The following WWOX variants were observed in gnomAD, a reference collection of about 807,000 sequenced individuals.
The protein encoded by WWOX is WW domain containing oxidoreductase.
In WWOX, 69 loss-of-function variants were observed where a neutral mutation model predicts 46.2. The observed-to-expected ratio is 1.49, with a 90% CI of 1.23 to 1.82. WWOX has a LOEUF of 1.82. WWOX is among the 40% of genes most tolerant of loss of function. The pLI, the probability that WWOX is intolerant of heterozygous loss-of-function variation, is 0.00. For missense variants in WWOX, 919 were observed against 542.6 expected (o/e 1.69, Z -6.89); for synonymous variants, 359 against 202.6 (o/e 1.77, Z -6.56).
At chr16:78,480,007 T>C (rs2084448558) in intron 8 of WWOX, among the ~76,000 whole-genome samples, 1 of 152,182 alleles carries the variant, frequency 6.6e-6, no homozygotes, top group African/African-American at 2.4e-5. Context: ...GCTAGCTTGT[T>C]CTCACTGAAG....
At chr16:78,724,660 C>G (rs1000087690) in intron 8 of WWOX, among the ~76,000 whole-genome samples, 1 of 152,126 alleles carries the variant, frequency 6.6e-6, no homozygotes, top group Admixed American at 6.5e-5. Context: ...ATGCAATTCC[C>G]TCTCAGTTTA....
intron 8 of WWOX, among the ~76,000 whole-genome samples, chr16:78,649,236 C>T (rs1047473015): frequency 3.9e-5 from 6 of 152,292 alleles, no homozygotes; most frequent in African/African-American, 1.2e-4. Context: ...CCAACCGCCT[C>T]GGACTTCCGA....
At chr16:78,940,352 A>G (rs2045827291) in intron 8 of WWOX, among the ~76,000 whole-genome samples, 1 of 152,226 alleles carries the variant, frequency 6.6e-6, no homozygotes, top group Non-Finnish European at 1.5e-5. Context: ...ATAAATATGC[A>G]AAACAGTGGT....
intron 8 of WWOX, among the ~76,000 whole-genome samples, chr16:79,133,521 T>C (rs1425654569): frequency 1.3e-5 from 2 of 152,226 alleles, no homozygotes; most frequent in African/African-American, 2.4e-5. Flanking sequence ...TATTTAAACT[T>C]CAGGTCCTTA....
chr16:78,109,851 G>C lies in WWOX; in HGVS notation c.230+16G>C. The C allele has an allele frequency of 6.2e-7, 1 of 1,614,112 alleles. No homozygotes were observed. The highest frequency in any genetic ancestry group is 8.5e-7 in the Non-Finnish European group (1 of 1,180,012). On this transcript the variant is annotated intron_variant, in intron 3 of 8. Transcript: ENST00000566780. ...TTTTTGTTGAGTAAGTGTCTGCAAA[G>C]AAACCACTCTCAGCTGTTTTGCTTT... is the stretch of plus-strand genomic sequence containing the variant.
At chr16:78,670,157 C>A (rs1226706728) in intron 8 of WWOX, among the ~76,000 whole-genome samples, 4 of 152,148 alleles carry the variant, frequency 2.6e-5, no homozygotes, top group Non-Finnish European at 5.9e-5. Context: ...CTCTTATTCA[C>A]CCCTTATTCT....
chr16:78,691,198 A>G (rs1458384859), intron 8 of WWOX: 1 of 701,888 alleles, frequency 1.4e-6, no homozygotes, highest in South Asian at 1.5e-5. Flanking sequence ...ATGTAGGTCC[A>G]GCGCCTAGAA....
At chr16:78,337,601 A>G (rs4036024) in intron 5 of WWOX, among the ~76,000 whole-genome samples, 21,537 of 152,098 alleles carry the variant, frequency 0.14, 2,049 homozygotes, top group African/African-American at 0.27. Context: ...AACCATTCCA[A>G]TTTCATACAG....
intron 8 of WWOX, among the ~76,000 whole-genome samples, chr16:78,599,549 A>G (rs955131395): frequency 2.0e-5 from 3 of 152,184 alleles, no homozygotes; most frequent in Admixed American, 1.3e-4. Flanking sequence ...CAGGAGGGCC[A>G]CATTCCTCTC....
intron 8 of WWOX, among the ~76,000 whole-genome samples, chr16:79,065,673 C>G (rs1451202271): frequency 1.3e-5 from 2 of 152,196 alleles, no homozygotes; most frequent in Non-Finnish European, 2.9e-5. Context: ...TCTCCTAATC[C>G]TAACCTTGTG....
At chr16:79,042,679 C>T (rs2151412806) in intron 8 of WWOX, among the ~76,000 whole-genome samples, 1 of 150,744 alleles carries the variant, frequency 6.6e-6, no homozygotes, top group Non-Finnish European at 1.5e-5. Context: ...GAAGGTTTTG[C>T]AAGAATAGCT....
rs76272117 is a variant in WWOX, at chr16:78,229,053, C to G, written c.516+64764C>G. On this transcript the variant is annotated intron_variant, in intron 5 of 8. Coordinates refer to ENST00000566780, the MANE Select transcript of WWOX (RefSeq NM_016373.4). The stretch of plus-strand genomic sequence containing the variant: ...TTGTGCTAAGATACTTGTTATTTGA[C>G]CTCATAATACCAGCATGTCCCGTTT... Among the ~76,000 whole-genome samples, 1,429 of 152,236 alleles carry G rather than the reference C, an allele frequency of 9.4e-3. 17 individuals carry two copies. Among genetic ancestry groups the G allele is most frequent in the African/African-American group, 0.033 (1,351 of 41,526 alleles).
chr16:79,107,072 A>G (rs565961230), intron 8 of WWOX, among the ~76,000 whole-genome samples: 9 of 152,172 alleles, frequency 5.9e-5, no homozygotes, highest in East Asian at 1.9e-4. Flanking sequence ...TGGTCTCCCA[A>G]AGTGCTGGGA....
chr16:78,984,550 ACT>A, intron 8 of WWOX, among the ~76,000 whole-genome samples: 1 of 152,294 alleles, frequency 6.6e-6, no homozygotes. Flanking sequence ...CTGTGGGATG[ACT>A]CACATGAGCA....
intron 8 of WWOX, among the ~76,000 whole-genome samples, chr16:78,997,674 C>T (rs2047016847): frequency 1.3e-5 from 2 of 152,096 alleles, no homozygotes. Flanking sequence ...CTCCCCTCTC[C>T]TCCCCTCCCT....
intron 5 of WWOX, chr16:78,266,156 C>A (rs1360981294): frequency 6.6e-6 from 1 of 152,074 alleles, no homozygotes; most frequent in East Asian, 1.9e-4. Context: ...TTTTGTACAG[C>A]CCGAGAGCTA....
At chr16:79,169,714 G>T (rs1293149520) in intron 8 of WWOX, among the ~76,000 whole-genome samples, 4 of 152,186 alleles carry the variant, frequency 2.6e-5, no homozygotes, top group Non-Finnish European at 4.4e-5. Flanking sequence ...CCAAATGGGT[G>T]GGTGGGCAGG....
intron 6 of WWOX, among the ~76,000 whole-genome samples, chr16:78,393,986 C>A (rs1003712532): frequency 2.0e-5 from 3 of 152,084 alleles, no homozygotes; most frequent in Non-Finnish European, 4.4e-5. Flanking sequence ...CTACTAATCC[C>A]AGATATAATA....
intron 8 of WWOX, chr16:79,204,801 G>A (rs894331810): frequency 6.6e-6 from 1 of 152,164 alleles, no homozygotes; most frequent in African/African-American, 2.4e-5. Context: ...TAAAACTTAA[G>A]TTTTAGGAAA....
Sources: gnomAD v4.1 joint callset for allele counts (sites outside exome capture counted in the v4.1 genomes callset) on GRCh38, gnomAD v4.1.1 for gene constraint, MANE v1.5 for transcripts, NCBI Gene and HGNC (gene_info 2026-07-23, HGNC 2026-07-21) for gene names.